The following OTULIN variants were observed in gnomAD, a reference collection of about 807,000 sequenced individuals.
OTULIN encodes the protein OTU deubiquitinase with linear linkage specificity, also known as ubiquitin thioesterase otulin.
Under a neutral mutation model 39.6 loss-of-function variants are expected in OTULIN, and 15 were observed. The ratio of observed to expected loss-of-function variants is 0.38; its 90% CI spans 0.25 to 0.58. The LOEUF is 0.58. OTULIN is among the 20% of genes least tolerant of loss of function. OTULIN has a pLI of 0.66. For synonymous variants in OTULIN, 156 were observed against 170.3 expected, an observed-to-expected ratio of 0.92 and a Z score of 0.65; for missense variants, 319 against 445.9, an observed-to-expected ratio of 0.72 and a Z score of 2.56.
Position 14,693,447 on chromosome 5 carries a change from G to A in OTULIN, c.*399G>A, listed in dbSNP as rs1736586586. 1 of 165,128 alleles carries A rather than the reference G, an allele frequency of 6.1e-6. No individual in the cohort carries two copies. Among genetic ancestry groups the A allele is most frequent in the Non-Finnish European group, 1.3e-5 (1 of 76,290 alleles). 10.2% of individuals were successfully genotyped at this position (165,128 alleles called of 1,614,324 possible). ...GTACAGTATTTTTTTTTCCCCTTTA[G>A]TAGTAACGGGTTTCTATAGATCTTC... On this transcript the variant is annotated 3_prime_UTR_variant, in exon 7 of 7. Transcript: ENST00000284274.
chr5:14,711,995 GCCACCTTTTCGATGT>G, the OTULIN span, among the ~76,000 whole-genome samples: 1 of 152,166 alleles, frequency 6.6e-6, no homozygotes, highest in Non-Finnish European at 1.5e-5. Context: ...CTTCATTGTG[GCCACCTTTTCGATGT>G]CCTGTCTCCC....
chr5:14,666,231 C>T (rs183530416), intron 1 of OTULIN, among the ~76,000 whole-genome samples: 2 of 152,310 alleles, frequency 1.3e-5, no homozygotes, highest in Non-Finnish European at 2.9e-5. Flanking sequence ...AGACCATGTT[C>T]TCAGAAGTAT....
At chr5:14,708,777 C>T in the OTULIN span, 2 of 152,212 alleles carry the variant, frequency 1.3e-5, no homozygotes, top group Non-Finnish European at 2.9e-5. Flanking sequence ...TTCTCAGAAA[C>T]TCTAACCAAA....
At chr5:14,685,097 C>G (rs1192932241) in intron 4 of OTULIN, among the ~76,000 whole-genome samples, 1 of 152,156 alleles carries the variant, frequency 6.6e-6, no homozygotes, top group Non-Finnish European at 1.5e-5. Flanking sequence ...AGGAGGGTAC[C>G]CTTTAGAGTT....
chr5:14,672,438 A>G (rs1021812550), intron 1 of OTULIN, among the ~76,000 whole-genome samples: 1 of 152,002 alleles, frequency 6.6e-6, no homozygotes, highest in African/African-American at 2.4e-5. Flanking sequence ...ACTAGGCCAT[A>G]TACCAGGAGC....
Position 14,698,947 on chromosome 5 carries a change from TC to T in OTULIN, c.*5901del. The stretch of plus-strand genomic sequence containing the variant: ...CACTAAAAGGGTGGGCTTGGACAGT[TC>T]CTGAACCTCCCTAAATCTGTTTCTT... On this transcript the variant is annotated 3_prime_UTR_variant, in exon 7 of 7. Coordinates refer to ENST00000284274, the MANE Select transcript of OTULIN (RefSeq NM_138348.6). The T allele has an allele frequency of 6.6e-6, 1 of 152,280 alleles. No individual in the cohort carries two copies. Among genetic ancestry groups the T allele is most frequent in the South Asian group, 2.1e-4 (1 of 4,806 alleles). The allele number at this position is 152,280 out of a possible 1,614,324, so 9.4% of individuals were successfully genotyped here.
At chr5:14,704,329 C>CAAAAA (rs1194771023), downstream of OTULIN, among the ~76,000 whole-genome samples, 3 of 65,510 alleles carry the variant, frequency 4.6e-5, no homozygotes, top group East Asian at 6.3e-4. Context: ...GACTCCGTCT[C>CAAAAA]AAAAAAAAAA....
At chr5:14,672,231 A>G (rs1368969494) in intron 1 of OTULIN, among the ~76,000 whole-genome samples, 1 of 152,182 alleles carries the variant, frequency 6.6e-6, no homozygotes, top group Non-Finnish European at 1.5e-5. Flanking sequence ...CTGAAGTGTG[A>G]GTAATGCATA....
At position 14,690,645 on chromosome 5, in the gene OTULIN, A is replaced by C. The variant is rs1736502819; in HGVS notation, c.864+337A>C. On this transcript the variant is annotated intron_variant, in intron 6 of 6. Coordinates refer to ENST00000284274, the MANE Select transcript of OTULIN (RefSeq NM_138348.6). The surrounding 1 kb of genome is among the most constrained non-coding windows in gnomAD (Gnocchi z 4.5). The stretch of plus-strand genomic sequence containing the variant: ...TACAACATGGCAGCTGGCTTCTCAG[A>C]GTGAACTAAGCAGTGAGCAAGAAAG... Among the ~76,000 whole-genome samples the C allele has an allele frequency of 6.6e-6, 1 of 152,148 alleles. No individual in the cohort carries two copies. The highest frequency in any genetic ancestry group is 1.5e-5 in the Non-Finnish European group (1 of 68,034).
the OTULIN span, chr5:14,713,697 C>T: frequency 2.2e-5 from 36 of 1,612,400 alleles, no homozygotes; most frequent in African/African-American, 1.5e-4. This position sits in a 1 kb window ranked among gnomAD's most constrained non-coding sequence, Gnocchi z 4.4. Flanking sequence ...ACTCGTCAGC[C>T]GTGCCCGCCA....
In OTULIN at chr5:14,690,410, A is replaced by C. The variant is rs1027291588; in HGVS notation, c.864+102A>C. On this transcript the variant is annotated intron_variant, in intron 6 of 6. Coordinates refer to ENST00000284274, the MANE Select transcript of OTULIN (RefSeq NM_138348.6). The surrounding 1 kb of genome is among the most constrained non-coding windows in gnomAD (Gnocchi z 4.5). ...TAGGTCAGAAATTCAGGGACAGCTT[A>C]GTTGGATGGTTCTGGCTCAGGATGT... The C allele has an allele frequency of 7.9e-6, 11 of 1,399,084 alleles. No individual in the cohort carries two copies. The highest frequency in any genetic ancestry group is 2.3e-5 in the Admixed American group (1 of 43,682). 86.7% of individuals were successfully genotyped at this position (1,399,084 alleles called of 1,614,324 possible).
chr5:14,691,654 A>G (rs1356485784), intron 6 of OTULIN, among the ~76,000 whole-genome samples: 2 of 151,034 alleles, frequency 1.3e-5, no homozygotes, highest in East Asian at 3.9e-4. Context: ...TACATATACC[A>G]TAAAGTTCAC....
At chr5:14,708,895 A>ATTTTTTT in the OTULIN span, 1 of 145,834 alleles carries the variant, frequency 6.9e-6, no homozygotes, top group African/African-American at 2.5e-5. Flanking sequence ...GAGGGAAAGG[A>ATTTTTTT]TTTTTTTTTT....
At chr5:14,712,088 T>C in the OTULIN span, among the ~76,000 whole-genome samples, 3 of 152,282 alleles carry the variant, frequency 2.0e-5, no homozygotes, top group Non-Finnish European at 4.4e-5. Flanking sequence ...TTTCTTTCAT[T>C]ATATTTGCCA....
the OTULIN span, chr5:14,706,770 T>G: frequency 1.3e-5 from 2 of 152,198 alleles, no homozygotes; most frequent in Non-Finnish European, 2.9e-5. Flanking sequence ...GCTGCTTCAA[T>G]GACAGAAATA....
Position 14,698,194 on chromosome 5 carries a change from A to T in OTULIN, c.*5146A>T, listed in dbSNP as rs1736721086. The T allele has an allele frequency of 6.6e-6, 1 of 152,234 alleles. No homozygotes were observed. Among genetic ancestry groups the T allele is most frequent in the Admixed American group, 6.5e-5 (1 of 15,280 alleles). 9.4% of individuals were successfully genotyped at this position (152,234 alleles called of 1,614,324 possible). A position where few individuals can be genotyped will look rare whatever the true frequency, so the allele number is the denominator to read the frequency against. On this transcript the variant is annotated 3_prime_UTR_variant, in exon 7 of 7. Transcript: ENST00000284274. ...ATGAATTTGGAGAGGATAACAAGCC[A>T]ACTTTAGACCCTCTGCCAGTGGCGA...
At chr5:14,716,125 C>A in the OTULIN span, among the ~76,000 whole-genome samples, 1 of 152,162 alleles carries the variant, frequency 6.6e-6, no homozygotes, top group African/African-American at 2.4e-5. Context: ...GACAGAGGGC[C>A]GTTTTATTGT....
chr5:14,705,977 C>T, the OTULIN span: 1 of 152,260 alleles, frequency 6.6e-6, no homozygotes, highest in Non-Finnish European at 1.5e-5. Context: ...AGCTAGGGAA[C>T]ATTGCCTCTA....
chr5:14,669,840 A>G (rs1349923124), intron 1 of OTULIN, among the ~76,000 whole-genome samples: 2 of 152,216 alleles, frequency 1.3e-5, no homozygotes, highest in African/African-American at 2.4e-5. Context: ...TGGGGCACAT[A>G]GTGATGTTTT....
Sources: gnomAD v4.1 joint callset for allele counts (sites outside exome capture counted in the v4.1 genomes callset) on GRCh38, gnomAD v4.1.1 for gene constraint, Gnocchi (gnomAD v3.1) non-coding constraint, MANE v1.5 for transcripts, NCBI Gene and HGNC (gene_info 2026-07-23, HGNC 2026-07-21) for gene names.